The following RBFOX1 variants were observed in gnomAD, a reference collection of about 807,000 sequenced individuals.
The protein encoded by RBFOX1 is RNA binding fox-1 homolog 1.
Under a neutral mutation model 57.7 loss-of-function variants are expected in RBFOX1, and 8 were observed. The ratio of observed to expected loss-of-function variants is 0.14; its 90% confidence interval spans 0.08 to 0.25. RBFOX1 has a LOEUF of 0.25. RBFOX1 is among the 10% of genes least tolerant of loss of function. RBFOX1 has a pLI of 1.00. For synonymous variants in RBFOX1, 326 were observed against 222.4 expected (o/e 1.47, Z -4.15); for missense variants, 611 against 548.5 (o/e 1.11, Z -1.14).
At chr16:6,987,730 A>T (rs1235084637) in intron 3 of RBFOX1, among the ~76,000 whole-genome samples, 1 of 152,206 alleles carries the variant, frequency 6.6e-6, no homozygotes, top group African/African-American at 2.4e-5. Context: ...ACCACAGTTT[A>T]TTCACCTGTG....
intron 3 of RBFOX1, among the ~76,000 whole-genome samples, chr16:6,809,902 T>C (rs1396948529): frequency 6.6e-6 from 1 of 152,168 alleles, no homozygotes; most frequent in Non-Finnish European, 1.5e-5. Flanking sequence ...GAGTTGCTTT[T>C]GTACAAATGA....
At chr16:6,938,842 G>T (rs2077822550) in intron 3 of RBFOX1, among the ~76,000 whole-genome samples, 1 of 152,174 alleles carries the variant, frequency 6.6e-6, no homozygotes, top group Non-Finnish European at 1.5e-5. Flanking sequence ...TGAGGCAGGA[G>T]AATCACTTGA....
chr16:5,880,052 A>T (rs1165399965), intron 4 of RBFOX1, among the ~76,000 whole-genome samples: 1 of 152,182 alleles, frequency 6.6e-6, no homozygotes, highest in Non-Finnish European at 1.5e-5. Context: ...GAGGCCCGTG[A>T]CAGTGATCAC....
At chr16:6,583,406 T>G (rs2097564829) in intron 2 of RBFOX1, among the ~76,000 whole-genome samples, 1 of 152,234 alleles carries the variant, frequency 6.6e-6, no homozygotes, top group Non-Finnish European at 1.5e-5. Context: ...TCAACAAATG[T>G]CTGCTCCTTA....
At position 7,653,844 on chromosome 16, in the gene RBFOX1, G is replaced by T; in HGVS notation, c.787G>T (p.Ala263Ser). 1 of 1,606,726 alleles carries T rather than the reference G, an allele frequency of 6.2e-7. No individual in the cohort carries two copies. The highest frequency in any genetic ancestry group is 8.5e-7 in the Non-Finnish European group (1 of 1,179,524). ...AGGCTTCCCGTATCCAGCAGCCACC[G>T]CCGCGGCCGCCTACCGAGGGGCGCA... ...MPGFPYPAAT[A>S]AAAYRGAHLR... Residue 263 changes from alanine (A) to serine (S), a missense_variant, in exon 12 of 16, where the codon GCC (alanine) becomes TCC (serine). Coordinates refer to ENST00000550418, the MANE Select transcript of RBFOX1 (RefSeq NM_018723.4).
chr16:5,641,989 C>G (rs2048892126), intron 3 of RBFOX1, among the ~76,000 whole-genome samples: 4 of 152,154 alleles, frequency 2.6e-5, no homozygotes, highest in African/African-American at 7.2e-5. Context: ...GATTCTGGAT[C>G]TCGAGTGAGT....
intron 4 of RBFOX1, among the ~76,000 whole-genome samples, chr16:7,367,608 C>G (rs1047979172): frequency 3.3e-5 from 5 of 152,178 alleles, no homozygotes; most frequent in Non-Finnish European, 4.4e-5. Flanking sequence ...ACTCCAGACT[C>G]TGATGCTCAC....
chr16:7,534,702 T>C (rs930107786), intron 5 of RBFOX1, among the ~76,000 whole-genome samples: 12 of 152,152 alleles, frequency 7.9e-5, no homozygotes, highest in African/African-American at 2.4e-4. Flanking sequence ...ATGACAGGTT[T>C]CCTTTTCACA....
intron 2 of RBFOX1, among the ~76,000 whole-genome samples, chr16:6,435,020 G>C (rs1274177690): frequency 2.0e-5 from 3 of 152,164 alleles, no homozygotes; most frequent in Admixed American, 6.5e-5. Flanking sequence ...TGATGGATCA[G>C]CCCTGAGTCT....
chr16:6,275,984 C>T (rs377107535), intron 1 of RBFOX1, among the ~76,000 whole-genome samples: 1 of 152,116 alleles, frequency 6.6e-6, no homozygotes, highest in Non-Finnish European at 1.5e-5. Flanking sequence ...TTGATTGATG[C>T]TGGTACTGCA....
intron 2 of RBFOX1, among the ~76,000 whole-genome samples, chr16:6,607,565 CCT>C (rs1183775324): frequency 6.7e-6 from 1 of 149,156 alleles, no homozygotes; most frequent in East Asian, 2.0e-4. Flanking sequence ...CCCTCTTCCT[CCT>C]CTCTCTCCGT....
chr16:5,597,435 G>A (rs532892316), intron 2 of RBFOX1, among the ~76,000 whole-genome samples: 13 of 134,994 alleles, frequency 9.6e-5, no homozygotes, highest in Admixed American at 2.5e-4. Flanking sequence ...TTTTGATCTC[G>A]TCGCTCAGGC....
chr16:7,057,575 C>T lies in RBFOX1; in HGVS notation c.27+5477C>T, dbSNP rs113146940. ...ATTCCTGGAAAAGGAGCCTGATTGGCTTAGTCTGGATCAGTTGTTCACTCT... is the reference window on the plus strand; with the variant it reads ...ATTCCTGGAAAAGGAGCCTGATTGGTTTAGTCTGGATCAGTTGTTCACTCT... On this transcript the variant is annotated intron_variant, in intron 4 of 15. Transcript: ENST00000550418. Among the ~76,000 whole-genome samples, 770 of 152,306 alleles carry T rather than the reference C, an allele frequency of 5.1e-3. 10 individuals are homozygous for T. Among genetic ancestry groups the T allele is most frequent in the African/African-American group, 0.018 (734 of 41,568 alleles).
At chr16:6,845,690 A>C (rs1268966300) in intron 3 of RBFOX1, among the ~76,000 whole-genome samples, 1 of 152,146 alleles carries the variant, frequency 6.6e-6, no homozygotes, top group East Asian at 1.9e-4. Context: ...ATCTCACCAG[A>C]ACGTTCCAGG....
At chr16:6,086,908 C>G (rs1055280670) in intron 1 of RBFOX1, among the ~76,000 whole-genome samples, 62 of 152,266 alleles carry the variant, frequency 4.1e-4, no homozygotes, top group Admixed American at 1.3e-4. Context: ...AGGCTTTCTG[C>G]TGTTTAGAGA....
At chr16:7,586,963 C>T (rs944929270) in intron 6 of RBFOX1, among the ~76,000 whole-genome samples, 5 of 152,280 alleles carry the variant, frequency 3.3e-5, no homozygotes, top group East Asian at 1.9e-4. Flanking sequence ...ATCTTTGCTG[C>T]TCAGTGCCTG....
At chr16:5,995,824 A>T (rs566119412) in intron 4 of RBFOX1, among the ~76,000 whole-genome samples, 2 of 152,168 alleles carry the variant, frequency 1.3e-5, no homozygotes, top group Non-Finnish European at 2.9e-5. Flanking sequence ...AAAGTGTCTT[A>T]ACCCATTTGG....
At chr16:6,950,942 G>T (rs1376684056) in intron 3 of RBFOX1, among the ~76,000 whole-genome samples, 1 of 149,672 alleles carries the variant, frequency 6.7e-6, no homozygotes, top group African/African-American at 2.5e-5. Context: ...ATCTTGCTCT[G>T]TTTCTCAGGC....
At chr16:7,061,022 C>CTGTGTGTGTGTGTGTG (rs112453963) in intron 4 of RBFOX1, among the ~76,000 whole-genome samples, 7 of 150,630 alleles carry the variant, frequency 4.6e-5, no homozygotes, top group African/African-American at 1.7e-4. Context: ...GTATGTTCTC[C>CTGTGTGTGTGTGTGTG]TGTGTGTGTG....
Sources: allele counts gnomAD v4.1 joint callset (sites outside exome capture counted in the v4.1 genomes callset), GRCh38; gene constraint gnomAD v4.1.1; transcripts MANE v1.5; gene names NCBI Gene and HGNC (gene_info 2026-07-23, HGNC 2026-07-21).